The following GABRG1 variants were observed in gnomAD, a reference collection of about 807,000 sequenced individuals.
The protein encoded by GABRG1 is gamma-aminobutyric acid receptor subunit gamma-1.
Under a neutral mutation model 49.8 loss-of-function variants are expected in GABRG1, and 49 were observed. The observed-to-expected ratio is 0.98, with a 90% confidence interval of 0.78 to 1.25. The LOEUF is 1.25. Among genes scored for constraint, GABRG1 ranks in the 50% most tolerant of loss-of-function variants. The pLI is 0.00. For missense variants in GABRG1, 552 were observed against 552.3 expected, an observed-to-expected ratio of 1.00 and a Z score of 0.01; for synonymous variants, 232 against 185.1, an observed-to-expected ratio of 1.25 and a Z score of -2.06.
chr4:46,062,042 A>AC (rs1219161499), intron 5 of GABRG1, among the ~76,000 whole-genome samples: 1 of 97,932 alleles, frequency 1.0e-5, no homozygotes, highest in African/African-American at 4.1e-5. Context: ...CCACCCCACA[A>AC]CAGTCCCCAG....
chr4:46,065,095 A>G (rs1171615483), intron 4 of GABRG1, among the ~76,000 whole-genome samples: 1 of 152,164 alleles, frequency 6.6e-6, no homozygotes, highest in Non-Finnish European at 1.5e-5. Flanking sequence ...CTGCAGGTTA[A>G]GAAAACCATA....
chr4:46,065,972 T>G (rs1165005758), intron 3 of GABRG1, among the ~76,000 whole-genome samples: 1 of 152,152 alleles, frequency 6.6e-6, no homozygotes, highest in East Asian at 1.9e-4. Flanking sequence ...TCTGCCCGGC[T>G]CATCCTCCCA....
rs547288173 is a variant in GABRG1 at position 46,092,680 on chromosome 4, A to C, written c.253+4521T>G. Among the ~76,000 whole-genome samples the C allele has an allele frequency of 2.0e-5, 3 of 152,214 alleles. No individual in the cohort carries two copies. In the South Asian group the frequency reaches 6.2e-4, roughly 32 times the overall value. On this transcript the variant is annotated intron_variant, in intron 2 of 8. Transcript: ENST00000295452. The stretch of plus-strand genomic sequence containing the variant: ...AATTGCCAGACTTGATAATTAGGAA[A>C]TAGGAACAATATACATATTTCCTAA...
chr4:46,047,121 T>C (rs564850821), intron 8 of GABRG1, among the ~76,000 whole-genome samples: 9 of 152,248 alleles, frequency 5.9e-5, no homozygotes, highest in Admixed American at 5.2e-4. Context: ...CATGTGGCTA[T>C]TGAGCACTTG....
Position 46,065,358 on chromosome 4 carries a change from T to G in GABRG1, c.542+6A>C, listed in dbSNP as rs761668396. The G allele has an allele frequency of 6.6e-7, 1 of 1,525,570 alleles. No individual in the cohort carries two copies. The allele number at this position is 1,525,570 out of a possible 1,614,324, so 94.5% of individuals were successfully genotyped here. ...GAGCAACTACAGATTTTTAAACCAA[T>G]ATTACCTTAGAGTATACAGAACTCG... On this transcript the variant is annotated splice_donor_region_variant and intron_variant, in intron 4 of 8. Transcript: ENST00000295452.
At chr4:46,056,604 A>G (rs1046298136) in intron 7 of GABRG1, among the ~76,000 whole-genome samples, 1 of 152,138 alleles carries the variant, frequency 6.6e-6, no homozygotes, top group Admixed American at 6.6e-5. Context: ...ACATTTGTAC[A>G]TTACCTGTTT....
rs1370741494 is a variant in GABRG1, at chr4:46,036,398, A to G, written c.*4590T>C. ...GAGGAACATTTTTCAAAAAATAAGA[A>G]TCTAGACAGATCACTTTAGGATTTA... On this transcript the variant is annotated 3_prime_UTR_variant, in exon 9 of 9. Coordinates refer to ENST00000295452, the MANE Select transcript of GABRG1 (RefSeq NM_173536.4). 6.6e-6 allele frequency: 1 copy of G among 151,958 alleles called. No individual in the cohort carries two copies. The highest frequency in any genetic ancestry group is 1.9e-4 in the East Asian group (1 of 5,194). The allele number at this position is 151,958 out of a possible 1,614,324, so 9.4% of individuals were successfully genotyped here. A position where few individuals can be genotyped will look rare whatever the true frequency, so the allele number is the denominator to read the frequency against.
intron 1 of GABRG1, among the ~76,000 whole-genome samples, chr4:46,119,574 GGAATACTTGACTTCA>G (rs1273405470): frequency 1.3e-5 from 2 of 151,314 alleles, no homozygotes; most frequent in Non-Finnish European, 3.0e-5. Context: ...TCTTCTAGGA[GGAATACTTGACTTCA>G]GATTTGAAGA....
intron 1 of GABRG1, among the ~76,000 whole-genome samples, chr4:46,111,888 C>T (rs1311360096): frequency 6.6e-6 from 1 of 151,144 alleles, no homozygotes; most frequent in Non-Finnish European, 1.5e-5. Flanking sequence ...TGTAATAATC[C>T]TACAAGAAAA....
chr4:46,117,977 T>C (rs1344873186), intron 1 of GABRG1, among the ~76,000 whole-genome samples: 1 of 85,512 alleles, frequency 1.2e-5, no homozygotes, highest in East Asian at 2.9e-4. Context: ...TACATATGTA[T>C]ACATGTGTAT....
Position 46,037,324 on chromosome 4 carries a change from C to A in GABRG1, c.*3664G>T, listed in dbSNP as rs1577621417. The stretch of plus-strand genomic sequence containing the variant: ...ATGTGGTCAATAGTATTTGAAAACT[C>A]CATTTGGAAAGTCCTTGATAAAGTT... On this transcript the variant is annotated 3_prime_UTR_variant, in exon 9 of 9. Transcript: ENST00000295452. The A allele has an allele frequency of 6.6e-6, 1 of 151,898 alleles. No individual in the cohort carries two copies. The highest frequency in any genetic ancestry group is 1.5e-5 in the Non-Finnish European group (1 of 67,830). The allele number at this position is 151,898 out of a possible 1,614,324, so 9.4% of individuals were successfully genotyped here.
At chr4:46,090,210 T>C (rs1719928667) in intron 2 of GABRG1, among the ~76,000 whole-genome samples, 1 of 152,146 alleles carries the variant, frequency 6.6e-6, no homozygotes, top group Non-Finnish European at 1.5e-5. Context: ...CAGAAAAAAA[T>C]GCTACTATTC....
intron 1 of GABRG1, among the ~76,000 whole-genome samples, chr4:46,106,919 TA>T (rs1214004325): frequency 6.6e-6 from 1 of 151,146 alleles, no homozygotes; most frequent in African/African-American, 2.4e-5. Flanking sequence ...TTTTTTTAAT[TA>T]AAAAAATTGT....
chr4:46,050,063 G>T (rs574099462), intron 8 of GABRG1, among the ~76,000 whole-genome samples: 1 of 151,980 alleles, frequency 6.6e-6, no homozygotes, highest in African/African-American at 2.4e-5. Context: ...AAAATCCAGA[G>T]AAGATGCATG....
chr4:46,059,373 G>C (rs955361350), intron 5 of GABRG1, among the ~76,000 whole-genome samples: 3 of 151,758 alleles, frequency 2.0e-5, no homozygotes, highest in Non-Finnish European at 4.4e-5. Context: ...TTTCCATAGA[G>C]AGTATACTAA....
At chr4:46,091,654 C>T (rs940083941) in intron 2 of GABRG1, among the ~76,000 whole-genome samples, 1 of 151,858 alleles carries the variant, frequency 6.6e-6, no homozygotes, top group Middle Eastern at 3.2e-3. Context: ...CAGATTGAAA[C>T]ACAAATAGGG....
intron 2 of GABRG1, among the ~76,000 whole-genome samples, chr4:46,093,069 T>TAAAAA (rs10627690): frequency 8.2e-6 from 1 of 122,264 alleles, no homozygotes; most frequent in Admixed American, 8.5e-5. Context: ...AACTCCATCT[T>TAAAAA]AAAAAAAAAA....
chr4:46,046,215 A>G (rs1273859349), intron 8 of GABRG1, among the ~76,000 whole-genome samples: 1 of 152,106 alleles, frequency 6.6e-6, no homozygotes, highest in East Asian at 1.9e-4. Context: ...ATTTTACTCA[A>G]TGATTAATCT....
chr4:46,106,446 G>T (rs565548153), intron 1 of GABRG1, among the ~76,000 whole-genome samples: 2 of 151,552 alleles, frequency 1.3e-5, no homozygotes, highest in South Asian at 4.2e-4. Flanking sequence ...TACAACAAAA[G>T]ACTTTGACAA....
Sources: allele counts gnomAD v4.1 joint callset (sites outside exome capture counted in the v4.1 genomes callset), GRCh38; gene constraint gnomAD v4.1.1; transcripts MANE v1.5; gene names NCBI Gene and HGNC (gene_info 2026-07-23, HGNC 2026-07-21).